PCMTD2: variants seen among roughly 807,000 people sequenced by gnomAD.
PCMTD2 encodes protein-L-isoaspartate (D-aspartate) O-methyltransferase domain containing 2.
In PCMTD2, 16 loss-of-function variants were observed where a neutral mutation model predicts 33.4. The ratio of observed to expected loss-of-function variants is 0.48; its 90% confidence interval spans 0.32 to 0.73. The LOEUF (loss-of-function observed/expected upper bound fraction) is 0.73. Among genes scored for constraint, PCMTD2 ranks in the 30% least tolerant of loss-of-function variants. The probability of loss-of-function intolerance (pLI) is 0.03; values close to 1 mark genes in which losing one functional copy is unlikely to be tolerated. For synonymous variants in PCMTD2, 161 were observed against 160.8 expected (o/e 1.00, Z -0.01); for missense variants, 374 against 449.9 (o/e 0.83, Z 1.53).
intron 5 of PCMTD2, among the ~76,000 whole-genome samples, chr20:64,269,025 C>T (rs1001201269): frequency 6.6e-6 from 1 of 152,166 alleles, no homozygotes; most frequent in Non-Finnish European, 1.5e-5. Flanking sequence ...AGTGGCAGGA[C>T]ATAAATCAAA....
rs1049853082 is a variant in PCMTD2 at position 64,255,828 on chromosome 20, G to C, written c.-67G>C. 1 of 152,632 alleles carries C rather than the reference G, an allele frequency of 6.6e-6. No homozygotes were observed. The highest frequency in any genetic ancestry group is 2.5e-5 in the African/African-American group (1 of 40,264). 9.5% of individuals were successfully genotyped at this position (152,632 alleles called of 1,614,324 possible). A position where few individuals can be genotyped will look rare whatever the true frequency, so the allele number is the denominator to read the frequency against. ...GGACGCGCCCGAGGAGCTGCAGGTG[G>C]CAGCCCAGGCGGTCCGAACCCGTCG... On this transcript the variant is annotated 5_prime_UTR_variant, in exon 1 of 6. Coordinates refer to ENST00000308824, the MANE Select transcript of PCMTD2 (RefSeq NM_018257.3).
chr20:64,264,644 T>A (rs749216337), intron 3 of PCMTD2, 113 bp downstream of exon 3: 1 of 646,026 alleles, frequency 1.5e-6, no homozygotes, highest in South Asian at 1.8e-5. Flanking sequence ...TGTGGTGGGA[T>A]GATTCTATGT....
chr20:64,261,898 C>T (rs1270558223), intron 2 of PCMTD2, among the ~76,000 whole-genome samples: 2 of 152,090 alleles, frequency 1.3e-5, no homozygotes, highest in African/African-American at 4.8e-5. Flanking sequence ...GGTGATCAAG[C>T]TGACTAGATT....
At chr20:64,257,684 A>C (rs573078382) in intron 1 of PCMTD2, among the ~76,000 whole-genome samples, 17 of 150,332 alleles carry the variant, frequency 1.1e-4, no homozygotes, top group African/African-American at 4.3e-4. Flanking sequence ...TACCAGTGGC[A>C]ATAGGTATAG....
Position 64,260,250 on chromosome 20 carries a change from C to T in PCMTD2, c.285C>T (p.Ser95=), listed in dbSNP as rs1317246142. Residue 95 remains serine, a synonymous_variant, in exon 2 of 6, where the codon AGC becomes AGT. Transcript: ENST00000308824. Reference sequence around the variant, plus strand: ...TGGGCAGTGGCACTGGGTATCTCAGCTCCATGGTGGGCCTCATTCTAGGTA... The same window carrying T: ...TGGGCAGTGGCACTGGGTATCTCAGTTCCATGGTGGGCCTCATTCTAGGTA... The part of the protein sequence containing the change: ...LNLGSGTGYL[S]SMVGLILGPF... 6.2e-7 allele frequency: 1 copy of T among 1,611,642 alleles called. No individual in the cohort carries two copies. Among genetic ancestry groups the T allele is most frequent in the Non-Finnish European group, 8.5e-7 (1 of 1,177,832 alleles).
At position 64,273,662 on chromosome 20, in the gene PCMTD2, C is replaced by T; in HGVS notation, c.*62C>T. The T allele has an allele frequency of 6.9e-7, 1 of 1,444,178 alleles. No individual in the cohort carries two copies. Among genetic ancestry groups the T allele is most frequent in the Non-Finnish European group, 9.3e-7 (1 of 1,077,596 alleles). 89.5% of individuals were successfully genotyped at this position (1,444,178 alleles called of 1,614,324 possible). A position where few individuals can be genotyped will look rare whatever the true frequency, so the allele number is the denominator to read the frequency against. ...TTGCTGAGTGTGAAGTTCGTGCTGCCTGTGTGCTGTTGAAGGGTCACCTGG... is the reference window on the plus strand; with the variant it reads ...TTGCTGAGTGTGAAGTTCGTGCTGCTTGTGTGCTGTTGAAGGGTCACCTGG... On this transcript the variant is annotated 3_prime_UTR_variant, in exon 6 of 6. Coordinates refer to ENST00000308824, the MANE Select transcript of PCMTD2 (RefSeq NM_018257.3).
At chr20:64,267,773 T>G in intron 4 of PCMTD2, 114 bp from the exon 5 acceptor site, 1 of 878,496 alleles carries the variant, frequency 1.1e-6, no homozygotes, top group Non-Finnish European at 1.8e-6. Flanking sequence ...TGTCAAGATA[T>G]TTCATTTTAT....
At chr20:64,265,672 CTCTT>C (rs1189982349) in intron 4 of PCMTD2, 1 of 392,370 alleles carries the variant, frequency 2.5e-6, no homozygotes, top group Non-Finnish European at 4.5e-6. Context: ...CTCTGTCTCT[CTCTT>C]TTTCCTTCTT....
intron 3 of PCMTD2, among the ~76,000 whole-genome samples, chr20:64,264,947 T>G (rs1445102303): frequency 6.6e-6 from 1 of 152,230 alleles, no homozygotes; most frequent in African/African-American, 2.4e-5. Flanking sequence ...TTGTGTAGTA[T>G]TAATAGATCT....
In PCMTD2 at chr20:64,260,014, A is replaced by G. The variant is rs146497659; in HGVS notation, c.49A>G (p.Asn17Asp). ...AGEDNDELIDNLKEAQYIRTE... is the reference protein window; with the variant it reads ...AGEDNDELIDDLKEAQYIRTE... ...TGAAGACAATGATGAGCTGATAGAT[A>G]ATTTGAAAGAAGCACAGTATATCCG... The change falls in exon 2 of 6, where the codon AAT (asparagine) becomes GAT (aspartate). Residue 17 changes from asparagine to aspartate, a missense_variant. By Grantham distance (23) the Asn-to-Asp change is conservative. Transcript: ENST00000308824. 2.5e-6 allele frequency: 4 copies of G among 1,613,130 alleles called. No individual in the cohort carries two copies. The African/African-American group carries it at 4.0e-5, about 16-fold the overall frequency.
intron 1 of PCMTD2, chr20:64,258,890 T>A (rs1001265082): frequency 6.6e-6 from 1 of 152,240 alleles, no homozygotes; most frequent in Non-Finnish European, 1.5e-5. Flanking sequence ...GGGGTAAGTA[T>A]AAAATTGGAA....
intron 5 of PCMTD2, among the ~76,000 whole-genome samples, chr20:64,269,259 CCGCCCTTGGCGGGGAGGGCA>C (rs1568736391): frequency 6.6e-6 from 1 of 152,198 alleles, no homozygotes; most frequent in African/African-American, 2.4e-5. Flanking sequence ...TAAGTAACTG[CCGCCCTTGGCGGGGAGGGCA>C]CCAGCTTCCA....
At chr20:64,269,916 TGTGA>T (rs1985824636) in intron 5 of PCMTD2, among the ~76,000 whole-genome samples, 1 of 135,292 alleles carries the variant, frequency 7.4e-6, no homozygotes, top group Non-Finnish European at 1.6e-5. Flanking sequence ...TGGTGTGTGG[TGTGA>T]GTGTGGTCCT....
chr20:64,257,263 A>G (rs1016983030), intron 1 of PCMTD2, among the ~76,000 whole-genome samples: 1 of 152,150 alleles, frequency 6.6e-6, no homozygotes, highest in Non-Finnish European at 1.5e-5. Context: ...CACAATCACA[A>G]CTCAGGTGTC....
chr20:64,269,800 G>T (rs56322935), intron 5 of PCMTD2, among the ~76,000 whole-genome samples: 25,791 of 150,960 alleles, frequency 0.17, 2,630 homozygotes, highest in South Asian at 0.35. Context: ...GGTGTGCGCG[G>T]TGTGGGGTCA....
rs572183204 is a variant in PCMTD2 at position 64,260,163 on chromosome 20, G to A, written c.198G>A (p.Pro66=). ...WKHGNIHLSA[P]CIYSEVMEAL... The stretch of plus-strand genomic sequence containing the variant: ...ATGGAAACATTCACCTCTCAGCCCC[G>A]TGCATCTACTCGGAGGTGATGGAAG... The change falls in exon 2 of 6, where the codon CCG becomes CCA. Residue 66 remains proline, a synonymous_variant. Coordinates refer to ENST00000308824, the MANE Select transcript of PCMTD2 (RefSeq NM_018257.3). 9.3e-6 allele frequency: 15 copies of A among 1,612,952 alleles called. 1 individual carries two copies. Among genetic ancestry groups the A allele is most frequent in the African/African-American group, 8.0e-5 (6 of 75,002 alleles).
intron 5 of PCMTD2, chr20:64,272,380 A>G: frequency 3.4e-6 from 1 of 293,038 alleles, no homozygotes; most frequent in South Asian, 2.9e-5. Context: ...TGAAATCGTG[A>G]GCTTTAATTG....
chr20:64,268,090 A>G (rs1985731327), intron 5 of PCMTD2, 80 bp downstream of exon 5: 2 of 1,085,128 alleles, frequency 1.8e-6, no homozygotes, highest in Admixed American at 2.6e-5. Flanking sequence ...CAAAATTTAC[A>G]ACAAACCTTT....
At chr20:64,264,384 T>A in intron 2 of PCMTD2, 45 bp from the exon 3 acceptor site, 1 of 930,676 alleles carries the variant, frequency 1.1e-6, no homozygotes, top group Non-Finnish European at 1.8e-6. Flanking sequence ...TGAGCAAGAG[T>A]TCTTACTCTG....
Sources: allele counts gnomAD v4.1 joint callset (sites outside exome capture counted in the v4.1 genomes callset), GRCh38; gene constraint gnomAD v4.1.1; transcripts MANE v1.5; gene names NCBI Gene and HGNC (gene_info 2026-07-23, HGNC 2026-07-21).